SDK1: variants seen among roughly 807,000 people sequenced by gnomAD.
SDK1 encodes the protein protein sidekick-1.
In SDK1, 157 loss-of-function variants were observed where a neutral mutation model predicts 245.5. That is an observed-to-expected ratio of 0.64 (90% CI 0.56 to 0.73). SDK1 has a LOEUF of 0.73. Ranked by LOEUF, SDK1 falls within the 30% of genes least tolerant of loss-of-function variation. The pLI is 0.00. For missense variants in SDK1, 3,583 were observed against 3,002.3 expected (o/e 1.19, Z -4.52); for synonymous variants, 1,647 against 1,278.5 (o/e 1.29, Z -6.15).
Position 4,033,229 on chromosome 7 carries a change from C to T in SDK1, c.2602+15877C>T, listed in dbSNP as rs185970437. The stretch of plus-strand genomic sequence containing the variant: ...TGAATAAAATAGACTTTTTGATAAG[C>T]ATTATTGAAATAAGTGGATACCTAT... On this transcript the variant is annotated intron_variant, in intron 17 of 44. Transcript: ENST00000404826. Among the ~76,000 whole-genome samples, 500 of 151,950 alleles carry T rather than the reference C, an allele frequency of 3.3e-3. 3 individuals carry two copies. Among genetic ancestry groups the T allele is most frequent in the African/African-American group, 0.012 (477 of 41,320 alleles).
chr7:3,393,296 A>T (rs1406526985), intron 1 of SDK1, among the ~76,000 whole-genome samples: 2 of 152,006 alleles, frequency 1.3e-5, no homozygotes, highest in African/African-American at 4.8e-5. Flanking sequence ...TTTTGGATGT[A>T]TACCCAGGAG....
At chr7:4,043,082 A>G (rs764411609) in intron 17 of SDK1, among the ~76,000 whole-genome samples, 2 of 151,996 alleles carry the variant, frequency 1.3e-5, no homozygotes, top group Non-Finnish European at 2.9e-5. Context: ...CGAATCTGAC[A>G]CCAGGGAGCC....
chr7:4,127,900 T>C (rs1005214664), intron 26 of SDK1, among the ~76,000 whole-genome samples: 136 of 152,328 alleles, frequency 8.9e-4, no homozygotes, highest in Non-Finnish European at 1.2e-4. Flanking sequence ...GGGGGTCTTT[T>C]ACACAGCACG....
At chr7:4,033,030 A>G (rs1269165694) in intron 17 of SDK1, among the ~76,000 whole-genome samples, 1 of 152,228 alleles carries the variant, frequency 6.6e-6, no homozygotes, top group Non-Finnish European at 1.5e-5. Context: ...AATAAAAGTA[A>G]TGAGGGTGGA....
chr7:3,349,965 G>C (rs986383502), intron 1 of SDK1, among the ~76,000 whole-genome samples: 1 of 152,200 alleles, frequency 6.6e-6, no homozygotes, highest in African/African-American at 2.4e-5. Flanking sequence ...TACTCCTTGG[G>C]CAGTGCTGGA....
intron 17 of SDK1, among the ~76,000 whole-genome samples, chr7:4,041,304 G>C (rs202102064): frequency 7.2e-4 from 78 of 108,494 alleles, no homozygotes; most frequent in African/African-American, 4.3e-3. Flanking sequence ...TTTTTTTTTG[G>C]AGTACTTTCA....
At chr7:3,741,838 G>A (rs1471559540) in intron 4 of SDK1, among the ~76,000 whole-genome samples, 1 of 152,036 alleles carries the variant, frequency 6.6e-6, no homozygotes, top group Non-Finnish European at 1.5e-5. Flanking sequence ...ATAGATGCTT[G>A]TGTGTATATA....
intron 5 of SDK1, among the ~76,000 whole-genome samples, chr7:3,831,859 C>A (rs1054398621): frequency 1.3e-5 from 2 of 151,944 alleles, no homozygotes; most frequent in Non-Finnish European, 2.9e-5. Flanking sequence ...CCAGTCTGGG[C>A]AACACAGGGA....
At chr7:3,731,879 C>T (rs1259247245) in intron 4 of SDK1, among the ~76,000 whole-genome samples, 2 of 152,076 alleles carry the variant, frequency 1.3e-5, no homozygotes, top group Admixed American at 6.5e-5. Context: ...GCAACCTCCA[C>T]TTCCCAGGTT....
intron 4 of SDK1, among the ~76,000 whole-genome samples, chr7:3,678,977 G>A (rs899093087): frequency 2.0e-5 from 3 of 152,128 alleles, no homozygotes; most frequent in African/African-American, 4.8e-5. Context: ...AGATTTAAAT[G>A]TAAAATGTAA....
rs1782309965 is a variant in SDK1, at chr7:3,969,340, T to C, written c.1630T>C (p.Phe544Leu). The C allele has an allele frequency of 6.2e-7, 1 of 1,611,214 alleles. No individual in the cohort carries two copies. The change falls in exon 11 of 45, where the codon TTC becomes CTC. Residue 544 changes from phenylalanine to leucine, a missense_variant. Transcript: ENST00000404826. Reference protein sequence around the residue: ...ESGGLQIAPVFIQDAGNYTCY... With the variant: ...ESGGLQIAPVLIQDAGNYTCY... ...GGGGGGTCTACAGATCGCGCCCGTC[T>C]TCATCCAGGATGCCGGCAACTACAC...
intron 22 of SDK1, among the ~76,000 whole-genome samples, chr7:4,083,713 C>T (rs183205370): frequency 1.7e-3 from 105 of 60,376 alleles, no homozygotes; most frequent in East Asian, 7.3e-3. Flanking sequence ...TTACTTCCTC[C>T]CTCCCTTCTT....
chr7:3,786,242 C>T (rs1780896053), intron 4 of SDK1, among the ~76,000 whole-genome samples: 1 of 152,164 alleles, frequency 6.6e-6, no homozygotes, highest in South Asian at 2.1e-4. Context: ...TAAAGTGCAG[C>T]CCTGTTTTGT....
At chr7:3,396,471 T>C (rs1781898930) in intron 1 of SDK1, among the ~76,000 whole-genome samples, 1 of 151,864 alleles carries the variant, frequency 6.6e-6, no homozygotes, top group Non-Finnish European at 1.5e-5. Context: ...CTATTCATTA[T>C]TGAAAATTGA....
At chr7:4,077,231 C>G (rs1780744407) in intron 21 of SDK1, 42 bp downstream of exon 21, 2 of 1,578,422 alleles carry the variant, frequency 1.3e-6, no homozygotes, top group Non-Finnish European at 1.7e-6. Context: ...TCACCTTTCT[C>G]TTGGAGATTC....
At chr7:3,720,929 C>T (rs541941630) in intron 4 of SDK1, among the ~76,000 whole-genome samples, 2 of 152,330 alleles carry the variant, frequency 1.3e-5, no homozygotes, top group South Asian at 4.1e-4. Flanking sequence ...AAGTGATGGG[C>T]TTCTGATACA....
intron 4 of SDK1, among the ~76,000 whole-genome samples, chr7:3,741,531 A>C (rs1204588159): frequency 6.6e-6 from 1 of 152,232 alleles, no homozygotes; most frequent in Non-Finnish European, 1.5e-5. Context: ...GTTATTCTTG[A>C]ATATTGGATT....
chr7:3,536,830 ATATTT>A lies in SDK1; in HGVS notation c.299-82245_299-82241del, dbSNP rs1163708425. On this transcript the variant is annotated intron_variant, in intron 1 of 44. Transcript: ENST00000404826. ...GTGTATTTAATATTTTTAACAATTG[ATATTT>A]TATTGGGAAAAATCCATTTTAATAA... 1.5e-4 allele frequency among the ~76,000 whole-genome samples: 23 copies of A among 152,240 alleles called. 1 individual carries two copies. Among genetic ancestry groups the A allele is most frequent in the Admixed American group, 3.9e-4 (6 of 15,290 alleles).
chr7:3,972,034 A>G (rs867389666), intron 12 of SDK1, among the ~76,000 whole-genome samples: 2 of 151,188 alleles, frequency 1.3e-5, no homozygotes, highest in Middle Eastern at 3.2e-3. Context: ...CCAGTGCACT[A>G]ATAGGAAGGT....
Sources: allele counts gnomAD v4.1 joint callset (sites outside exome capture counted in the v4.1 genomes callset), GRCh38; gene constraint gnomAD v4.1.1; transcripts MANE v1.5; gene names NCBI Gene and HGNC (gene_info 2026-07-23, HGNC 2026-07-21).